TNR: variants seen among roughly 807,000 people sequenced by gnomAD.
TNR encodes tenascin R.
TNR carries 45 observed loss-of-function variants against 150.4 expected under a neutral mutation model. The ratio of observed to expected loss-of-function variants is 0.30; its 90% CI spans 0.24 to 0.38. TNR has a LOEUF of 0.38. Ranked by LOEUF, TNR falls within the 10% of genes least tolerant of loss-of-function variation. TNR has a pLI of 1.00. For synonymous variants in TNR, 687 were observed against 678.4 expected, an observed-to-expected ratio of 1.01 and a Z score of -0.20; for missense variants, 1,544 against 1,759.1, an observed-to-expected ratio of 0.88 and a Z score of 2.19.
chr1:175,423,754 G>A (rs1381511596), intron 2 of TNR, among the ~76,000 whole-genome samples: 3 of 152,196 alleles, frequency 2.0e-5, no homozygotes, highest in Non-Finnish European at 2.9e-5. Context: ...GCTGGAGCAT[G>A]GGGCTGCGGA....
At chr1:175,488,701 T>G (rs1235706057) in intron 2 of TNR, among the ~76,000 whole-genome samples, 2 of 152,202 alleles carry the variant, frequency 1.3e-5, no homozygotes, top group Non-Finnish European at 2.9e-5. Flanking sequence ...TATGGGCTAG[T>G]GCACATGTCA....
chr1:175,613,242 C>G (rs1050180259), intron 1 of TNR, among the ~76,000 whole-genome samples: 4 of 152,270 alleles, frequency 2.6e-5, no homozygotes, highest in Non-Finnish European at 5.9e-5. Flanking sequence ...GCTTCTGAGT[C>G]TCTGTAGCTA....
chr1:175,584,673 A>G (rs1042217435), intron 1 of TNR, among the ~76,000 whole-genome samples: 2 of 152,210 alleles, frequency 1.3e-5, no homozygotes, highest in Non-Finnish European at 2.9e-5. Context: ...TCTGGGCTCA[A>G]GGGCCTAGGA....
chr1:175,481,801 T>G (rs1332143183), intron 2 of TNR, among the ~76,000 whole-genome samples: 1 of 152,174 alleles, frequency 6.6e-6, no homozygotes, highest in African/African-American at 2.4e-5. Context: ...AATAGGAACT[T>G]GGGAATCTAG....
Position 175,513,524 on chromosome 1 carries a change from C to T in TNR, c.-64+14745G>A, listed in dbSNP as rs540750450. Among the ~76,000 whole-genome samples, 7 of 152,312 alleles carry T rather than the reference C, an allele frequency of 4.6e-5. No homozygotes were observed. The East Asian group carries it at 7.7e-4, about 17-fold the overall frequency. On this transcript the variant is annotated intron_variant, in intron 2 of 22. Coordinates refer to ENST00000367674, the MANE Select transcript of TNR (RefSeq NM_003285.3). ...GGGGCTGCAGGGGAGGGACCCTCCC[C>T]AGTGCAGTGCTGCTGCGACTGGGTA...
At chr1:175,358,706 T>A (rs1230054173) in intron 15 of TNR, among the ~76,000 whole-genome samples, 1 of 152,194 alleles carries the variant, frequency 6.6e-6, no homozygotes, top group East Asian at 1.9e-4. Flanking sequence ...AGGACTCAAC[T>A]CTATTTTGCT....
At chr1:175,538,902 C>T (rs1477367896) in intron 1 of TNR, 6 of 152,244 alleles carry the variant, frequency 3.9e-5, no homozygotes, top group Non-Finnish European at 7.3e-5. Context: ...ACCCTGAGAT[C>T]TCAACCTAGT....
chr1:175,651,469 A>G (rs1664994236), intron 1 of TNR, among the ~76,000 whole-genome samples: 1 of 152,332 alleles, frequency 6.6e-6, no homozygotes, highest in African/African-American at 2.4e-5. Flanking sequence ...TTAAAAAAAT[A>G]GTATTGAAGA....
Position 175,391,311 on chromosome 1 carries a change from G to C in TNR, c.1484C>G (p.Pro495Arg). The C allele has an allele frequency of 6.2e-7, 1 of 1,614,008 alleles. No homozygotes were observed. The highest frequency in any genetic ancestry group is 1.1e-5 in the South Asian group (1 of 91,076). The change falls in exon 7 of 23, where the codon CCT (proline) becomes CGT (arginine). Residue 495 changes from proline (P) to arginine (R), a missense_variant. By Grantham distance (103) the Pro-to-Arg change is moderately radical. Transcript: ENST00000367674. Reference sequence around the variant, plus strand: ...ACCTGTGGAGACGCTGGCCGAGGTAGGGGGGCTGCGGGCCTGTTCTTTCAG... The same window carrying C: ...ACCTGTGGAGACGCTGGCCGAGGTACGGGGGCTGCGGGCCTGTTCTTTCAG... ...VALKEQARSPPTSASVSTVID... is the reference protein window; with the variant it reads ...VALKEQARSPRTSASVSTVID...
At chr1:175,451,095 T>C (rs912519664) in intron 2 of TNR, among the ~76,000 whole-genome samples, 2 of 152,128 alleles carry the variant, frequency 1.3e-5, no homozygotes, top group Non-Finnish European at 2.9e-5. Context: ...CTCAAAAACT[T>C]AGAATTTCCA....
At chr1:175,367,339 G>A (rs761292688) in intron 9 of TNR, 42 bp from the exon 10 acceptor site, 10 of 1,559,622 alleles carry the variant, frequency 6.4e-6, no homozygotes. Context: ...TGTGTATGGG[G>A]CAGGGCTAGG....
chr1:175,584,000 G>C (rs1160531125), intron 1 of TNR, among the ~76,000 whole-genome samples: 1 of 152,112 alleles, frequency 6.6e-6, no homozygotes, highest in Non-Finnish European at 1.5e-5. Context: ...TGTGTGACCT[G>C]GACACCTTTC....
chr1:175,722,399 A>G (rs1159802396), intron 1 of TNR, among the ~76,000 whole-genome samples: 1 of 152,178 alleles, frequency 6.6e-6, no homozygotes, highest in Non-Finnish European at 1.5e-5. Flanking sequence ...GCCAATACTT[A>G]TGCCTGCTTA....
intron 1 of TNR, among the ~76,000 whole-genome samples, chr1:175,664,444 T>G (rs1322253608): frequency 6.6e-6 from 1 of 152,168 alleles, no homozygotes; most frequent in Non-Finnish European, 1.5e-5. Context: ...AAAAGTGGAC[T>G]GCTCTGATAG....
chr1:175,386,570 G>A (rs1423248901), intron 7 of TNR, among the ~76,000 whole-genome samples: 1 of 152,170 alleles, frequency 6.6e-6, no homozygotes, highest in Non-Finnish European at 1.5e-5. Flanking sequence ...AGTCTGGGCA[G>A]GGGAAGGGCA....
intron 1 of TNR, among the ~76,000 whole-genome samples, chr1:175,617,935 C>A (rs1365333790): frequency 2.6e-5 from 4 of 152,130 alleles, no homozygotes; most frequent in Non-Finnish European, 5.9e-5. Context: ...CAAGATCATG[C>A]GGCCAGTAAA....
rs58752211 is a variant in TNR, at chr1:175,562,321, T to A, written c.-164-33952A>T. 8.8e-3 allele frequency among the ~76,000 whole-genome samples: 1,340 copies of A among 152,182 alleles called. 17 individuals are homozygous for A. Among genetic ancestry groups the A allele is most frequent in the African/African-American group, 0.031 (1,279 of 41,438 alleles). On this transcript the variant is annotated intron_variant, in intron 1 of 22. Transcript: ENST00000367674. ...GCCTTCCACCCTCACCATCATTCAA[T>A]AAATGCTCAACTCAGACACATTTAT... is the stretch of plus-strand genomic sequence containing the variant.
chr1:175,362,481 C>A (rs79247495), intron 14 of TNR, among the ~76,000 whole-genome samples, 182 bp downstream of exon 14: 12,490 of 152,168 alleles, frequency 0.082, 591 homozygotes, highest in South Asian at 0.14. Context: ...ACTCTCTAAA[C>A]GTTTAGTATT....
chr1:175,412,386 C>T (rs1412914158), intron 2 of TNR, among the ~76,000 whole-genome samples: 1 of 152,090 alleles, frequency 6.6e-6, no homozygotes, highest in Admixed American at 6.5e-5. Flanking sequence ...AAGAGATCTC[C>T]CCAGAAATTG....
Sources: gnomAD v4.1 joint callset for allele counts (sites outside exome capture counted in the v4.1 genomes callset) on GRCh38, gnomAD v4.1.1 for gene constraint, MANE v1.5 for transcripts, NCBI Gene and HGNC (gene_info 2026-07-23, HGNC 2026-07-21) for gene names.